PDZRN3: variants seen among roughly 807,000 people sequenced by gnomAD.
The protein encoded by PDZRN3 is E3 ubiquitin-protein ligase PDZRN3.
A neutral mutation model predicts 85.7 loss-of-function variants in PDZRN3; 38 were observed. The ratio of observed to expected loss-of-function variants is 0.44; its 90% CI spans 0.34 to 0.58. PDZRN3 has a LOEUF of 0.58. Ranked by LOEUF, PDZRN3 falls within the 20% of genes least tolerant of loss-of-function variation. The pLI, the probability that PDZRN3 is intolerant of heterozygous loss-of-function variation, is 0.01. For synonymous variants in PDZRN3, 759 were observed against 638.0 expected (o/e 1.19, Z -2.86); for missense variants, 1,629 against 1,506.4 (o/e 1.08, Z -1.35).
At chr3:73,594,804 T>A (rs139627271) in intron 3 of PDZRN3, among the ~76,000 whole-genome samples, 8 of 152,266 alleles carry the variant, frequency 5.3e-5, no homozygotes, top group South Asian at 2.1e-4. Flanking sequence ...GGGGAAAATA[T>A]GATATTCACT....
chr3:73,401,094 A>G, intron 4 of PDZRN3, 85 bp from the exon 5 acceptor site: 1 of 976,338 alleles, frequency 1.0e-6, no homozygotes, highest in Non-Finnish European at 1.7e-6. Context: ...CCAGTGGCAC[A>G]GTAGCAATTC....
chr3:73,571,418 C>A (rs1702044874), intron 3 of PDZRN3, among the ~76,000 whole-genome samples: 1 of 152,158 alleles, frequency 6.6e-6, no homozygotes, highest in Non-Finnish European at 1.5e-5. Flanking sequence ...CCTTTTATTT[C>A]AGAATGACTC....
At chr3:73,460,691 TCAAAGAA>T (rs1192264417) in intron 3 of PDZRN3, among the ~76,000 whole-genome samples, 1 of 152,198 alleles carries the variant, frequency 6.6e-6, no homozygotes, top group Non-Finnish European at 1.5e-5. Flanking sequence ...AAGAAGTTGA[TCAAAGAA>T]CAAAGAAACA....
intron 3 of PDZRN3, among the ~76,000 whole-genome samples, chr3:73,559,115 A>G (rs1443960049): frequency 6.6e-6 from 1 of 152,082 alleles, no homozygotes. Context: ...ATTAACCACA[A>G]TTAGTGGGAT....
intron 5 of PDZRN3, among the ~76,000 whole-genome samples, chr3:73,391,973 T>C (rs575583818): frequency 1.1e-4 from 17 of 152,294 alleles, no homozygotes; most frequent in African/African-American, 2.6e-4. Flanking sequence ...AGCAGGAGAA[T>C]GGAGGGGCTC....
intron 3 of PDZRN3, among the ~76,000 whole-genome samples, chr3:73,566,396 T>C (rs757750371): frequency 1.3e-5 from 2 of 152,238 alleles, no homozygotes; most frequent in African/African-American, 2.4e-5. Flanking sequence ...AAAGTCTTTA[T>C]CCATAAAATT....
chr3:73,409,711 T>C (rs4677277), intron 3 of PDZRN3, among the ~76,000 whole-genome samples: 108,405 of 151,994 alleles, frequency 0.71, 38,805 homozygotes, highest in East Asian at 0.87. Flanking sequence ...CTTAGAAATA[T>C]CATGGGTTAA....
chr3:73,451,490 G>A (rs1702861148), intron 3 of PDZRN3, among the ~76,000 whole-genome samples: 1 of 152,160 alleles, frequency 6.6e-6, no homozygotes, highest in Admixed American at 6.5e-5. Context: ...TCATGGATCA[G>A]AGAACACACT....
At chr3:73,397,465 T>C (rs533459774) in intron 5 of PDZRN3, among the ~76,000 whole-genome samples, 6 of 152,336 alleles carry the variant, frequency 3.9e-5, no homozygotes, top group African/African-American at 9.6e-5. Context: ...AAATCTCGTG[T>C]AGAAGCAGGG....
intron 3 of PDZRN3, among the ~76,000 whole-genome samples, chr3:73,458,938 G>C (rs369084247): frequency 2.0e-5 from 3 of 148,972 alleles, no homozygotes; most frequent in Admixed American, 6.8e-5. Context: ...GTTGCAGTGA[G>C]CCAAGATTGC....
intron 3 of PDZRN3, among the ~76,000 whole-genome samples, chr3:73,467,190 A>G (rs1703237176): frequency 6.6e-6 from 1 of 152,182 alleles, no homozygotes; most frequent in South Asian, 2.1e-4. Context: ...TCCAAGCACC[A>G]TGTACTCGCA....
At chr3:73,493,880 T>C (rs1288744318) in intron 3 of PDZRN3, among the ~76,000 whole-genome samples, 1 of 152,190 alleles carries the variant, frequency 6.6e-6, no homozygotes, top group East Asian at 1.9e-4. Flanking sequence ...AGGATCAATC[T>C]TGGCGGTGCT....
intron 1 of PDZRN3, among the ~76,000 whole-genome samples, chr3:73,609,004 C>T (rs1248771443): frequency 6.6e-6 from 1 of 152,144 alleles, no homozygotes; most frequent in Non-Finnish European, 1.5e-5. Context: ...TTGACCGGCC[C>T]ATCGTACGCA....
chr3:73,591,541 C>A (rs1702356533), intron 3 of PDZRN3, among the ~76,000 whole-genome samples: 1 of 152,104 alleles, frequency 6.6e-6, no homozygotes. Context: ...GAAACTGTGT[C>A]ATATAGCCGT....
At chr3:73,452,432 G>T (rs1056755820) in intron 3 of PDZRN3, among the ~76,000 whole-genome samples, 1 of 152,124 alleles carries the variant, frequency 6.6e-6, no homozygotes, top group Admixed American at 6.5e-5. Context: ...TCCAAAACTG[G>T]TATAGGAATA....
At chr3:73,584,339 GATA>G in intron 3 of PDZRN3, among the ~76,000 whole-genome samples, 1 of 152,078 alleles carries the variant, frequency 6.6e-6, no homozygotes, top group African/African-American at 2.4e-5. Context: ...CAGGAAACAG[GATA>G]ATGACAGACA....
chr3:73,455,193 T>C (rs1702954532), intron 3 of PDZRN3, among the ~76,000 whole-genome samples: 1 of 152,182 alleles, frequency 6.6e-6, no homozygotes, highest in Non-Finnish European at 1.5e-5. Context: ...ATCATCATCA[T>C]CCATTTACTT....
At chr3:73,527,002 C>T (rs1035507610) in intron 3 of PDZRN3, among the ~76,000 whole-genome samples, 3 of 152,176 alleles carry the variant, frequency 2.0e-5, no homozygotes, top group East Asian at 3.9e-4. Flanking sequence ...GTGCTCATCA[C>T]CACCCCCAGC....
chr3:73,471,274 A>G (rs1449346105), intron 3 of PDZRN3, among the ~76,000 whole-genome samples: 1 of 152,138 alleles, frequency 6.6e-6, no homozygotes, highest in Non-Finnish European at 1.5e-5. Context: ...CAAACCATCC[A>G]GCAGCTAGGA....
Sources: allele counts gnomAD v4.1 joint callset (sites outside exome capture counted in the v4.1 genomes callset), GRCh38; gene constraint gnomAD v4.1.1; transcripts MANE v1.5; gene names NCBI Gene and HGNC (gene_info 2026-07-23, HGNC 2026-07-21).